FAM13C: variants seen among roughly 807,000 people sequenced by gnomAD.
FAM13C encodes the protein protein FAM13C.
A neutral mutation model predicts 73.2 loss-of-function variants in FAM13C; 37 were observed. That is an observed-to-expected ratio of 0.51 (90% CI 0.39 to 0.67). The LOEUF (loss-of-function observed/expected upper bound fraction) is 0.67, where lower values mean the gene tolerates loss of function less well. Among genes scored for constraint, FAM13C ranks in the 30% least tolerant of loss-of-function variants. The pLI is 0.00. For synonymous variants in FAM13C, 246 were observed against 260.9 expected, an observed-to-expected ratio of 0.94 and a Z score of 0.55; for missense variants, 589 against 715.6, an observed-to-expected ratio of 0.82 and a Z score of 2.02.
At chr10:59,336,790 GTTAGAAC>G (rs1042131713) in intron 3 of FAM13C, among the ~76,000 whole-genome samples, 6 of 152,212 alleles carry the variant, frequency 3.9e-5, no homozygotes, top group Admixed American at 3.3e-4. Context: ...CTCCTCAGCT[GTTAGAAC>G]TTAGAAATAG....
intron 4 of FAM13C, among the ~76,000 whole-genome samples, chr10:59,313,939 G>C (rs1461150773): frequency 6.6e-6 from 1 of 152,126 alleles, no homozygotes; most frequent in African/African-American, 2.4e-5. Flanking sequence ...TATGAGTTCA[G>C]CACTGTGCTG....
intron 4 of FAM13C, among the ~76,000 whole-genome samples, chr10:59,316,631 C>CA (rs1426988019): frequency 2.0e-5 from 3 of 152,154 alleles, no homozygotes; most frequent in Non-Finnish European, 4.4e-5. Context: ...TTCTAGGCTG[C>CA]AAACCTCTAC....
At chr10:59,248,445 G>A (rs1357375751) in intron 13 of FAM13C, among the ~76,000 whole-genome samples, 2 of 152,090 alleles carry the variant, frequency 1.3e-5, no homozygotes, top group Non-Finnish European at 2.9e-5. Flanking sequence ...GAATAACTTG[G>A]TAATATCAGG....
At chr10:59,299,272 T>TA (rs560500733) in intron 5 of FAM13C, among the ~76,000 whole-genome samples, 11 of 152,062 alleles carry the variant, frequency 7.2e-5, no homozygotes, top group East Asian at 5.8e-4. Context: ...TAATTAAACT[T>TA]AAAAAAAATC....
At chr10:59,257,460 A>T (rs972761813) in intron 10 of FAM13C, among the ~76,000 whole-genome samples, 2 of 152,182 alleles carry the variant, frequency 1.3e-5, no homozygotes, top group Admixed American at 6.5e-5. Flanking sequence ...CTTCCACAGT[A>T]AGCCACAGAA....
At chr10:59,294,205 G>C (rs1195078737) in intron 5 of FAM13C, among the ~76,000 whole-genome samples, 2 of 152,188 alleles carry the variant, frequency 1.3e-5, no homozygotes, top group African/African-American at 2.4e-5. Flanking sequence ...GCTGGCCCCG[G>C]GAGCCACTGA....
chr10:59,259,094 A>G (rs1842226524), intron 10 of FAM13C, among the ~76,000 whole-genome samples: 2 of 152,200 alleles, frequency 1.3e-5, no homozygotes, highest in Admixed American at 6.5e-5. Context: ...GGGATGATTA[A>G]TTAATTTCCA....
intron 4 of FAM13C, among the ~76,000 whole-genome samples, chr10:59,315,940 T>C (rs1486968980): frequency 1.3e-5 from 2 of 152,162 alleles, no homozygotes; most frequent in East Asian, 3.9e-4. Context: ...TATATCTCTT[T>C]TTTTCTTTTA....
chr10:59,253,536 T>C (rs1841616120), intron 11 of FAM13C, among the ~76,000 whole-genome samples: 1 of 152,222 alleles, frequency 6.6e-6, no homozygotes, highest in African/African-American at 2.4e-5. Flanking sequence ...GTTCTGATAA[T>C]TCTTATCACA....
At chr10:59,315,394 A>T (rs1406163187) in intron 4 of FAM13C, among the ~76,000 whole-genome samples, 3 of 152,144 alleles carry the variant, frequency 2.0e-5, no homozygotes, top group Non-Finnish European at 4.4e-5. Flanking sequence ...GTTAATAAAG[A>T]CTCACATAAA....
intron 3 of FAM13C, among the ~76,000 whole-genome samples, chr10:59,340,050 G>C (rs370740690): frequency 1.8e-4 from 28 of 152,232 alleles, no homozygotes; most frequent in African/African-American, 6.3e-4. Flanking sequence ...AACCAACTTC[G>C]AAAGTATCTT....
In FAM13C at chr10:59,303,425, T is replaced by C. The variant is rs571966861; in HGVS notation, c.444-561A>G. On this transcript the variant is annotated intron_variant, in intron 4 of 13. Transcript: ENST00000618804. ...TCCAAGGAGGTATTGATTATGTTTA[T>C]TTTCTATACTGCTAAAACCTCACCT... 2.7e-3 allele frequency among the ~76,000 whole-genome samples: 413 copies of C among 152,368 alleles called. 1 individual carries two copies. Among genetic ancestry groups the C allele is most frequent in the Non-Finnish European group, 4.9e-3 (336 of 68,036 alleles).
At chr10:59,354,431 G>A (rs775299951) in intron 2 of FAM13C, among the ~76,000 whole-genome samples, 5 of 152,086 alleles carry the variant, frequency 3.3e-5, no homozygotes, top group East Asian at 3.9e-4. Flanking sequence ...ACTACTTATC[G>A]GAATAAATCA....
At chr10:59,347,581 A>G (rs1435686720) in intron 3 of FAM13C, among the ~76,000 whole-genome samples, 2 of 151,684 alleles carry the variant, frequency 1.3e-5, no homozygotes, top group African/African-American at 4.9e-5. Flanking sequence ...AGAATGTGCA[A>G]TTTTGTTACA....
intron 4 of FAM13C, among the ~76,000 whole-genome samples, chr10:59,305,034 C>T (rs893995252): frequency 1.3e-5 from 2 of 152,140 alleles, no homozygotes; most frequent in South Asian, 4.1e-4. Flanking sequence ...GCCACCCAAT[C>T]TTAGCCTTTT....
chr10:59,350,022 A>G (rs1854823876), intron 3 of FAM13C, among the ~76,000 whole-genome samples: 1 of 152,224 alleles, frequency 6.6e-6, no homozygotes, highest in Non-Finnish European at 1.5e-5. Context: ...TCTTACGGCA[A>G]TAGGATAATT....
intron 4 of FAM13C, among the ~76,000 whole-genome samples, chr10:59,316,146 G>A (rs1278559957): frequency 6.6e-6 from 1 of 152,008 alleles, no homozygotes; most frequent in East Asian, 1.9e-4. Context: ...TGTTGGCCAG[G>A]CTGGTCTCAA....
chr10:59,302,714 G>T, intron 5 of FAM13C, 87 bp downstream of exon 5: 1 of 1,249,334 alleles, frequency 8.0e-7, no homozygotes. Flanking sequence ...GTTTTCATGA[G>T]AATGAATTCC....
rs2133695635 is a variant in FAM13C at position 59,283,741 on chromosome 10, T to C, written c.508-294A>G. 5.5e-6 allele frequency: 3 copies of C among 547,304 alleles called. No homozygotes were observed. In the South Asian group the frequency reaches 8.2e-5, roughly 15 times the overall value. 33.9% of individuals were successfully genotyped at this position (547,304 alleles called of 1,614,324 possible). ...ACGTATATGGATTATCTGTGACACATGGGACTGGTGATTTCATCAGCAAGA... is the reference window on the plus strand; with the variant it reads ...ACGTATATGGATTATCTGTGACACACGGGACTGGTGATTTCATCAGCAAGA... On this transcript the variant is annotated intron_variant, in intron 5 of 13. Transcript: ENST00000618804.
Sources: gnomAD v4.1 joint callset for allele counts (sites outside exome capture counted in the v4.1 genomes callset) on GRCh38, gnomAD v4.1.1 for gene constraint, MANE v1.5 for transcripts, NCBI Gene and HGNC (gene_info 2026-07-23, HGNC 2026-07-21) for gene names.